The following KRT1 variants were observed in gnomAD, a reference collection of about 807,000 sequenced individuals.
The protein encoded by KRT1 is keratin, type II cytoskeletal 1.
Under a neutral mutation model 51.6 loss-of-function variants are expected in KRT1, and 28 were observed. The ratio of observed to expected loss-of-function variants is 0.54; its 90% CI spans 0.40 to 0.74. KRT1 has a LOEUF of 0.74. Among genes scored for constraint, KRT1 ranks in the 30% least tolerant of loss-of-function variants. KRT1 has a pLI of 0.00. For missense variants in KRT1, 783 were observed against 815.5 expected (o/e 0.96, Z 0.49); for synonymous variants, 301 against 307.7 (o/e 0.98, Z 0.23).
chr12:52,678,813 A>G, intron 1 of KRT1, 57 bp from the exon 2 acceptor site: 1 of 1,474,808 alleles, frequency 6.8e-7, no homozygotes, highest in Non-Finnish European at 9.4e-7. Flanking sequence ...ATAGCCATGG[A>G]GAACTGTGCC....
At position 52,679,800 on chromosome 12, in the gene KRT1, T is replaced by C; in HGVS notation, c.549A>G (p.Gln183=). The C allele has an allele frequency of 6.2e-7, 1 of 1,614,162 alleles. No individual in the cohort carries two copies. The highest frequency in any genetic ancestry group is 8.5e-7 in the Non-Finnish European group (1 of 1,180,028). The part of the protein sequence containing the change: ...IQKVKSRERE[Q]IKSLNNQFAS... ...CAAATTGGTTGTTGAGTGACTTGAT[T>C]TGCTCCCTTTCTCGAGACTTCACCT... The change falls in exon 1 of 9, where the codon CAA becomes CAG. Residue 183 remains glutamine (Q), a synonymous_variant. Transcript: ENST00000252244.
rs1565647093 is a variant in KRT1, at chr12:52,677,385, C to T, written c.1059G>A (p.Glu353=). 2.5e-6 allele frequency: 4 copies of T among 1,614,090 alleles called. No individual in the cohort carries two copies. In the East Asian group the frequency reaches 8.9e-5, roughly 36 times the overall value. The change falls in exon 5 of 9, where the codon GAG becomes GAA. Residue 353 remains glutamate (E), a synonymous_variant. Transcript: ENST00000252244. ...CTATATCCTCGTACTGGGCCTTGAC[C>T]TCAGCAATGATGCTGTCCAGGTCGA... is the stretch of plus-strand genomic sequence containing the variant. ...RSLDLDSIIA[E]VKAQYEDIAQ... is the part of the protein sequence containing the mutation.
At chr12:52,679,499 A>G (rs1389815948) in intron 1 of KRT1, among the ~76,000 whole-genome samples, 4 of 152,240 alleles carry the variant, frequency 2.6e-5, no homozygotes, top group Non-Finnish European at 4.4e-5. Context: ...ATTCCGCTCA[A>G]GAGCTGAATA....
rs1434821988 is a variant in KRT1, at chr12:52,676,357, A to C, written c.1393T>G (p.Tyr465Asp). ...KEDLARLLRDYQELMNTKLAL... is the reference protein window; with the variant it reads ...KEDLARLLRDDQELMNTKLAL... ...AGCTTTGTGTTCATCAGCTCCTGGT[A>C]GTCGCGCAGCAGGCGGGCCAGGTCT... The change falls in exon 7 of 9, where the codon TAC (tyrosine) becomes GAC (aspartate). Residue 465 changes from tyrosine (Y) to aspartate (D), a missense_variant. Coordinates refer to ENST00000252244, the MANE Select transcript of KRT1 (RefSeq NM_006121.4). 6.2e-7 allele frequency: 1 copy of C among 1,614,140 alleles called. No homozygotes were observed. Among genetic ancestry groups the C allele is most frequent in the East Asian group, 2.2e-5 (1 of 44,874 alleles).
chr12:52,679,916 G>T lies in KRT1; in HGVS notation c.433C>A (p.Pro145Thr), dbSNP rs190219749. The T allele has an allele frequency of 6.2e-7, 1 of 1,613,618 alleles. No homozygotes were observed. Among genetic ancestry groups the T allele is most frequent in the African/African-American group, 1.3e-5 (1 of 74,786 alleles). The change falls in exon 1 of 9, where the codon CCT becomes ACT. Residue 145 changes from proline (P) to threonine (T), a missense_variant. By Grantham distance (38) the Pro-to-Thr change is conservative. Coordinates refer to ENST00000252244, the MANE Select transcript of KRT1 (RefSeq NM_006121.4). ...TGTATGCCACCAGGAGGGCAGACAG[G>T]ACCATAACCACCCCCATATCCACCA... ...GGGGYGGGYG[P>T]VCPPGGIQEV...
Position 52,679,964 on chromosome 12 carries a change from AACC to A in KRT1, c.382_384del (p.Gly128del), listed in dbSNP as rs747414857. On this transcript the variant is annotated inframe_deletion, in exon 1 of 9. Coordinates refer to ENST00000252244, the MANE Select transcript of KRT1 (RefSeq NM_006121.4). ...CCACCCCCAAAGCCACCTCCACCAA[AACC>A]ACCACCACCACTGCCAAAACCACCA... is the stretch of plus-strand genomic sequence containing the variant. 1.1e-5 allele frequency: 17 copies of A among 1,610,742 alleles called. No homozygotes were observed. In the East Asian group the frequency reaches 1.3e-4, roughly 13 times the overall value.
chr12:52,679,608 T>A, intron 1 of KRT1, 150 bp downstream of exon 1: 1 of 751,260 alleles, frequency 1.3e-6, no homozygotes, highest in Non-Finnish European at 2.3e-6. Context: ...CAAGCATACA[T>A]CTAACATATC....
intron 2 of KRT1, 136 bp from the exon 3 acceptor site, chr12:52,678,359 GA>G: frequency 2.8e-6 from 3 of 1,054,302 alleles, no homozygotes; most frequent in South Asian, 2.6e-5. Flanking sequence ...ACTTTCTACT[GA>G]GCAATAAAAC....
Position 52,679,973 on chromosome 12 carries a change from C to A in KRT1, c.376G>T (p.Gly126Cys), listed in dbSNP as rs763145084. 1.8e-5 allele frequency: 29 copies of A among 1,609,748 alleles called. No individual in the cohort carries two copies. Among genetic ancestry groups the A allele is most frequent in the Non-Finnish European group, 2.4e-5 (28 of 1,177,738 alleles). Reference sequence around the variant, plus strand: ...AAGCCACCTCCACCAAAACCACCACCACCACTGCCAAAACCACCAAAGCCA... The same window carrying A: ...AAGCCACCTCCACCAAAACCACCACAACCACTGCCAAAACCACCAAAGCCA... Reference protein sequence around the residue: ...GGGFGGFGSGGGGFGGGGFGG... With the variant: ...GGGFGGFGSGCGGFGGGGFGG... Residue 126 changes from glycine to cysteine, a missense_variant, in exon 1 of 9, where the codon GGT becomes TGT. Coordinates refer to ENST00000252244, the MANE Select transcript of KRT1 (RefSeq NM_006121.4).
At chr12:52,678,091 C>A in intron 3 of KRT1, 72 bp downstream of exon 3, 1 of 1,455,938 alleles carries the variant, frequency 6.9e-7, no homozygotes, top group Non-Finnish European at 9.6e-7. Flanking sequence ...TGGCTGCTTT[C>A]TGCTTAGTAA....
At position 52,675,801 on chromosome 12, in the gene KRT1, C is replaced by T. The variant is rs1011818312; in HGVS notation, c.1476-57G>A. 4 of 1,591,622 alleles carry T rather than the reference C, an allele frequency of 2.5e-6. No homozygotes were observed. In the African/African-American group the frequency reaches 4.0e-5, roughly 16 times the overall value. ...CACTCCAGCTTCCCAAACCGCTTCCCCATTCCCCGCTCCACCACCTTGAAG... is the reference window on the plus strand; with the variant it reads ...CACTCCAGCTTCCCAAACCGCTTCCTCATTCCCCGCTCCACCACCTTGAAG... On this transcript the variant is annotated intron_variant, in intron 7 of 8. Coordinates refer to ENST00000252244, the MANE Select transcript of KRT1 (RefSeq NM_006121.4).
Position 52,676,340 on chromosome 12 carries a change from G to A in KRT1, c.1410C>T (p.Asn470=), listed in dbSNP as rs1941502721. 6.2e-7 allele frequency: 1 copy of A among 1,614,164 alleles called. No individual in the cohort carries two copies. Among genetic ancestry groups the A allele is most frequent in the Non-Finnish European group, 8.5e-7 (1 of 1,180,034 alleles). ...RLLRDYQELM[N]TKLALDLEIA... is the part of the protein sequence containing the mutation. Reference sequence around the variant, plus strand: ...TCTCCAGATCCAGGGCCAGCTTTGTGTTCATCAGCTCCTGGTAGTCGCGCA... The same window carrying A: ...TCTCCAGATCCAGGGCCAGCTTTGTATTCATCAGCTCCTGGTAGTCGCGCA... The change falls in exon 7 of 9, where the codon AAC becomes AAT. Residue 470 remains asparagine, a synonymous_variant. Transcript: ENST00000252244.
Position 52,680,163 on chromosome 12 carries a change from A to G in KRT1, c.186T>C (p.Phe62=). The part of the protein sequence containing the change: ...GGGSFGAGGG[F]GSRSLVNLGG... Reference sequence around the variant, plus strand: ...CAAGGTTAACAAGACTCCGACTTCCAAATCCACCACCAGCACCAAAGCTAC... The same window carrying G: ...CAAGGTTAACAAGACTCCGACTTCCGAATCCACCACCAGCACCAAAGCTAC... The change falls in exon 1 of 9, where the codon TTT becomes TTC. Residue 62 remains phenylalanine, a synonymous_variant. Transcript: ENST00000252244. 1.9e-6 allele frequency: 3 copies of G among 1,609,208 alleles called. No homozygotes were observed. The highest frequency in any genetic ancestry group is 2.5e-6 in the Non-Finnish European group (3 of 1,177,512).
At position 52,675,040 on chromosome 12, in the gene KRT1, AAAAG is replaced by A; in HGVS notation, c.*149_*152del. 9.5e-7 allele frequency: 1 copy of A among 1,053,038 alleles called. No individual in the cohort carries two copies. Among genetic ancestry groups the A allele is most frequent in the Non-Finnish European group, 1.5e-6 (1 of 677,740 alleles). The allele number at this position is 1,053,038 out of a possible 1,614,324, so 65.2% of individuals were successfully genotyped here. Reference sequence around the variant, plus strand: ...TGAAAACTTCATTGGGAAACAGCAGAAAAGAAAGAGCTGGGGGAATAGGATGAGC... The same window carrying A: ...TGAAAACTTCATTGGGAAACAGCAGAAAAGAGCTGGGGGAATAGGATGAGC... On this transcript the variant is annotated 3_prime_UTR_variant, in exon 9 of 9. Transcript: ENST00000252244.
At position 52,676,457 on chromosome 12, in the gene KRT1, C is replaced by G. The variant is rs369800756; in HGVS notation, c.1293G>C (p.Gln431His). ...NLQQSISDAEQRGENALKDAK... is the reference protein window; with the variant it reads ...NLQQSISDAEHRGENALKDAK... ...CATCCTTGAGGGCATTCTCGCCACGCTGCTCTGCATCACTGATGGACTGCT... is the reference window on the plus strand; with the variant it reads ...CATCCTTGAGGGCATTCTCGCCACGGTGCTCTGCATCACTGATGGACTGCT... Residue 431 changes from glutamine (Q) to histidine (H), a missense_variant, in exon 7 of 9, where the codon CAG (glutamine) becomes CAC (histidine). Transcript: ENST00000252244. The G allele has an allele frequency of 1.9e-6, 3 of 1,614,210 alleles. No individual in the cohort carries two copies. The highest frequency in any genetic ancestry group is 2.5e-6 in the Non-Finnish European group (3 of 1,180,052).
At position 52,677,051 on chromosome 12, in the gene KRT1, G is replaced by A. The variant is rs571925367; in HGVS notation, c.1254+8C>T. ...TACAGCTGAGTGGTAGAAGGAGAAA[G>A]CACATACCTGCTTCTTGACATTGTC... On this transcript the variant is annotated splice_region_variant and intron_variant, in intron 6 of 8. Coordinates refer to ENST00000252244, the MANE Select transcript of KRT1 (RefSeq NM_006121.4). 1.8e-5 allele frequency: 29 copies of A among 1,612,432 alleles called. No homozygotes were observed. In the South Asian group the frequency reaches 2.9e-4, roughly 16 times the overall value.
intron 6 of KRT1, 137 bp downstream of exon 6, chr12:52,676,922 T>G: frequency 3.4e-6 from 4 of 1,186,922 alleles, no homozygotes; most frequent in Non-Finnish European, 4.9e-6. Flanking sequence ...GAAACTAGCA[T>G]AGTCACAAAA....
intron 7 of KRT1, 63 bp from the exon 8 acceptor site, chr12:52,675,807 C>T: frequency 4.4e-6 from 7 of 1,577,666 alleles, no homozygotes; most frequent in Non-Finnish European, 6.1e-6. Flanking sequence ...TTCCCCATTC[C>T]CCGCTCCACC....
chr12:52,678,854 T>C, intron 1 of KRT1, 98 bp from the exon 2 acceptor site: 1 of 1,029,092 alleles, frequency 9.7e-7, no homozygotes, highest in Admixed American at 2.0e-5. Context: ...ATTCCTATCT[T>C]CTGACCATGA....
Sources: allele counts gnomAD v4.1 joint callset (sites outside exome capture counted in the v4.1 genomes callset), GRCh38; gene constraint gnomAD v4.1.1; transcripts MANE v1.5; gene names NCBI Gene and HGNC (gene_info 2026-07-23, HGNC 2026-07-21).